The following NRCAM variants were observed in gnomAD, a reference collection of about 807,000 sequenced individuals.
The protein encoded by NRCAM is neuronal cell adhesion molecule.
Under a neutral mutation model 156.5 loss-of-function variants are expected in NRCAM, and 83 were observed. That is an observed-to-expected ratio of 0.53 (90% CI 0.44 to 0.64). The LOEUF (loss-of-function observed/expected upper bound fraction) is 0.64, where lower values mean the gene tolerates loss of function less well. Among genes scored for constraint, NRCAM ranks in the 30% least tolerant of loss-of-function variants. NRCAM has a pLI of 0.00. For synonymous variants in NRCAM, 538 were observed against 563.9 expected (o/e 0.95, Z 0.65); for missense variants, 1,417 against 1,597.3 (o/e 0.89, Z 1.92).
chr7:108,428,955 T>A (rs1821109608), intron 1 of NRCAM, among the ~76,000 whole-genome samples: 2 of 152,058 alleles, frequency 1.3e-5, no homozygotes, highest in African/African-American at 4.8e-5. Context: ...TTCTTCTTTT[T>A]TTTTTTAAAG....
chr7:108,165,316 G>A (rs1006522782), intron 30 of NRCAM, among the ~76,000 whole-genome samples: 4 of 152,126 alleles, frequency 2.6e-5, no homozygotes, highest in Admixed American at 1.3e-4. Context: ...CCTACTGGGC[G>A]ACCTGGCAGG....
At position 108,307,117 on chromosome 7, in the gene NRCAM, C is replaced by T. The variant is rs1418731243; in HGVS notation, c.-107+5548G>A. Among the ~76,000 whole-genome samples, 3 of 152,200 alleles carry T rather than the reference C, an allele frequency of 2.0e-5. No individual in the cohort carries two copies. In the South Asian group the frequency reaches 6.2e-4, roughly 32 times the overall value. On this transcript the variant is annotated intron_variant, in intron 3 of 32. Transcript: ENST00000379028. Reference sequence around the variant, plus strand: ...TGATAATATGTCTGTAAAAAGTCTGCTAGATCTGTATTTTATTCATAAAGG... The same window carrying T: ...TGATAATATGTCTGTAAAAAGTCTGTTAGATCTGTATTTTATTCATAAAGG...
intron 3 of NRCAM, among the ~76,000 whole-genome samples, chr7:108,256,517 A>T (rs879466500): frequency 7.3e-5 from 11 of 150,750 alleles, no homozygotes; most frequent in Non-Finnish European, 1.3e-4. Flanking sequence ...GCCTAGGAAA[A>T]CCAGAGACCC....
At chr7:108,257,735 T>A (rs930104022) in intron 3 of NRCAM, among the ~76,000 whole-genome samples, 1 of 152,228 alleles carries the variant, frequency 6.6e-6, no homozygotes, top group African/African-American at 2.4e-5. Flanking sequence ...TCAGGATTTC[T>A]TGAAATGATT....
intron 3 of NRCAM, among the ~76,000 whole-genome samples, chr7:108,255,630 G>A (rs113157333): frequency 0.22 from 32,625 of 145,408 alleles, 3,653 homozygotes; most frequent in Non-Finnish European, 0.27. Context: ...GCTGCCCATC[G>A]TCTGGGATGT....
intron 2 of NRCAM, among the ~76,000 whole-genome samples, chr7:108,348,905 GAAAAAAA>G (rs60746037): frequency 7.9e-6 from 1 of 126,350 alleles, no homozygotes; most frequent in Non-Finnish European, 1.6e-5. Flanking sequence ...TCCATCTCAG[GAAAAAAA>G]AAAAAAAAAA....
chr7:108,161,144 C>A (rs1273586237), intron 30 of NRCAM, among the ~76,000 whole-genome samples: 2 of 152,134 alleles, frequency 1.3e-5, no homozygotes, highest in Admixed American at 1.3e-4. Context: ...TTCTGAAAAA[C>A]CAAATCCACC....
rs1306390137 is a variant in NRCAM, at chr7:108,352,770, T to C, written c.-173-40039A>G. On this transcript the variant is annotated intron_variant, in intron 2 of 32. Transcript: ENST00000379028. ...AACATCCTCATTTCAGTCAATAGCA[T>C]GACCCAGTTGTTTGAACCATAAAGC... is the stretch of plus-strand genomic sequence containing the variant. 2.0e-5 allele frequency among the ~76,000 whole-genome samples: 3 copies of C among 152,314 alleles called. No individual in the cohort carries two copies. In the South Asian group the frequency reaches 6.2e-4, roughly 32 times the overall value.
At chr7:108,446,353 C>T (rs1844174320) in intron 1 of NRCAM, among the ~76,000 whole-genome samples, 1 of 152,202 alleles carries the variant, frequency 6.6e-6, no homozygotes, top group Admixed American at 6.5e-5. Context: ...CTATCTATGT[C>T]TTCAAACCAG....
chr7:108,250,960 A>C (rs2096307770), intron 3 of NRCAM, among the ~76,000 whole-genome samples: 1 of 152,216 alleles, frequency 6.6e-6, no homozygotes, highest in South Asian at 2.1e-4. Flanking sequence ...ACCAAAGAGC[A>C]GTTTGAAATG....
chr7:108,456,699 T>C (rs1400332728), upstream of NRCAM: 2 of 152,054 alleles, frequency 1.3e-5, no homozygotes, highest in Non-Finnish European at 2.9e-5. Flanking sequence ...CCAACCTCCG[T>C]CAGCCTGCGA....
chr7:108,252,191 G>A (rs2096389695), intron 3 of NRCAM, among the ~76,000 whole-genome samples: 1 of 152,180 alleles, frequency 6.6e-6, no homozygotes, highest in African/African-American at 2.4e-5. Flanking sequence ...GTGTTGCTCA[G>A]GAATGGGGAG....
At chr7:108,385,596 A>C (rs533681402) in intron 2 of NRCAM, among the ~76,000 whole-genome samples, 1 of 152,298 alleles carries the variant, frequency 6.6e-6, no homozygotes, top group African/African-American at 2.4e-5. Flanking sequence ...ACCCAGAAAT[A>C]ATCCTACATG....
In NRCAM at chr7:108,207,619, C is replaced by T. The variant is rs2081856970; in HGVS notation, c.1116G>A (p.Leu372=). The T allele has an allele frequency of 6.2e-7, 1 of 1,613,786 alleles. No homozygotes were observed. Among genetic ancestry groups the T allele is most frequent in the Non-Finnish European group, 8.5e-7 (1 of 1,179,800 alleles). ...TCAAGGTCCCATCCTCTCCTGGGGA[C>T]AGCACAAGATTTTGAGGGGCTGTGA... ...YWITAPQNLV[L]SPGEDGTLIC... Residue 372 remains leucine, a synonymous_variant, in exon 13 of 33, where the codon CTG becomes CTA. Coordinates refer to ENST00000379028, the MANE Select transcript of NRCAM (RefSeq NM_001037132.4).
chr7:108,370,215 T>C (rs2099619670), intron 2 of NRCAM, among the ~76,000 whole-genome samples: 14 of 152,184 alleles, frequency 9.2e-5, no homozygotes, highest in Admixed American at 9.2e-4. Context: ...TAGAGTATTA[T>C]AATCTTGAGA....
intron 2 of NRCAM, among the ~76,000 whole-genome samples, chr7:108,359,296 T>C (rs1163382452): frequency 6.6e-6 from 1 of 152,168 alleles, no homozygotes; most frequent in African/African-American, 2.4e-5. Flanking sequence ...GCTTGGCACA[T>C]TGTGAGCACT....
intron 3 of NRCAM, among the ~76,000 whole-genome samples, chr7:108,295,391 C>T (rs898230062): frequency 6.6e-6 from 1 of 152,168 alleles, no homozygotes; most frequent in Non-Finnish European, 1.5e-5. Context: ...ATTTACTTGT[C>T]ACAATTCTGG....
intron 2 of NRCAM, among the ~76,000 whole-genome samples, chr7:108,329,110 CTATT>C (rs1411298633): frequency 6.6e-6 from 1 of 152,212 alleles, no homozygotes; most frequent in Non-Finnish European, 1.5e-5. Context: ...TTCCCCCTAC[CTATT>C]TATTTCTGAA....
At chr7:108,367,184 G>A (rs1440877967) in intron 2 of NRCAM, among the ~76,000 whole-genome samples, 2 of 152,086 alleles carry the variant, frequency 1.3e-5, no homozygotes. Context: ...TACAAAGAAA[G>A]GTACCTGCTT....
Sources: allele counts gnomAD v4.1 joint callset (sites outside exome capture counted in the v4.1 genomes callset), GRCh38; gene constraint gnomAD v4.1.1; transcripts MANE v1.5; gene names NCBI Gene and HGNC (gene_info 2026-07-23, HGNC 2026-07-21).